The following CELF5 variants were observed in gnomAD, a reference collection of about 807,000 sequenced individuals.
The protein encoded by CELF5 is CUGBP Elav-like family member 5.
Under a neutral mutation model 54.9 loss-of-function variants are expected in CELF5, and 6 were observed. The observed-to-expected ratio is 0.11, with a 90% CI of 0.06 to 0.22. The LOEUF (loss-of-function observed/expected upper bound fraction) is 0.22, where lower values mean the gene tolerates loss of function less well. CELF5 is among the 10% of genes least tolerant of loss of function. The pLI, the probability that CELF5 is intolerant of heterozygous loss-of-function variation, is 1.00. For missense variants in CELF5, 401 were observed against 678.6 expected (o/e 0.59, Z 4.54); for synonymous variants, 271 against 290.9 (o/e 0.93, Z 0.70).
Position 3,282,992 on chromosome 19 carries a change from G to A in CELF5, c.1039+494G>A, listed in dbSNP as rs891683484. On this transcript the variant is annotated intron_variant, in intron 8 of 12. Coordinates refer to ENST00000292672, the MANE Select transcript of CELF5 (RefSeq NM_021938.4). The surrounding 1 kb of genome is among the most constrained non-coding windows in gnomAD (Gnocchi z 5.2). ...ATTACAGGCGCATGCCACCATGCCC[G>A]GCTAATTTTTGTAGTTTTAGTAGAG... is the stretch of plus-strand genomic sequence containing the variant. Among the ~76,000 whole-genome samples, 4 of 152,140 alleles carry A rather than the reference G, an allele frequency of 2.6e-5. No homozygotes were observed. The highest frequency in any genetic ancestry group is 4.8e-5 in the African/African-American group (2 of 41,446).
intron 12 of CELF5, 116 bp downstream of exon 12, chr19:3,293,602 T>G: frequency 1.2e-6 from 1 of 855,364 alleles, no homozygotes; most frequent in Non-Finnish European, 1.8e-6. Context: ...TTCAAGAGGC[T>G]ACAAGAAACC....
At chr19:3,244,138 C>T (rs1296014369) in intron 1 of CELF5, among the ~76,000 whole-genome samples, 2 of 151,922 alleles carry the variant, frequency 1.3e-5, no homozygotes, top group Non-Finnish European at 2.9e-5. Context: ...AAACGACAAG[C>T]AAAGAGGCCA....
intron 1 of CELF5, among the ~76,000 whole-genome samples, chr19:3,233,678 G>A (rs867513325): frequency 2.0e-5 from 3 of 152,188 alleles, no homozygotes; most frequent in Non-Finnish European, 2.9e-5. Context: ...GTGAGGAGGG[G>A]GAGAGAGGGA....
chr19:3,231,846 A>G (rs907389539), intron 1 of CELF5, among the ~76,000 whole-genome samples: 5 of 151,604 alleles, frequency 3.3e-5, no homozygotes, highest in African/African-American at 1.2e-4. Flanking sequence ...GGATGGATGG[A>G]TGCATGAATG....
intron 1 of CELF5, chr19:3,225,545 A>C: frequency 1.1e-6 from 1 of 945,354 alleles, no homozygotes; most frequent in Non-Finnish European, 1.2e-6. Flanking sequence ...TGCTTTGGTT[A>C]TTTTCACAAA....
intron 8 of CELF5, among the ~76,000 whole-genome samples, chr19:3,284,380 A>G (rs1389557678): frequency 6.6e-6 from 1 of 152,032 alleles, no homozygotes; most frequent in Non-Finnish European, 1.5e-5. Context: ...GTTTGGCTGA[A>G]TTTTTCCCCA....
At chr19:3,283,949 C>G (rs895643990) in intron 8 of CELF5, among the ~76,000 whole-genome samples, 2 of 151,786 alleles carry the variant, frequency 1.3e-5, no homozygotes, top group Non-Finnish European at 2.9e-5. Context: ...TCTCACCTCT[C>G]ACCTCAGCCT....
chr19:3,263,121 C>T (rs1043245721), intron 2 of CELF5, among the ~76,000 whole-genome samples: 3 of 151,242 alleles, frequency 2.0e-5, no homozygotes, highest in Admixed American at 1.3e-4. Flanking sequence ...GTGGCAGGCG[C>T]CTATAATCCT....
At chr19:3,290,078 C>A (rs1388565982) in intron 10 of CELF5, among the ~76,000 whole-genome samples, 153 bp from the exon 11 acceptor site, 1 of 152,100 alleles carries the variant, frequency 6.6e-6, no homozygotes, top group East Asian at 1.9e-4. Context: ...CCCTCCCCAG[C>A]CCGTGGCCAG....
chr19:3,292,285 G>C (rs543861979), intron 11 of CELF5, among the ~76,000 whole-genome samples: 18 of 146,876 alleles, frequency 1.2e-4, no homozygotes, highest in African/African-American at 3.7e-4. Flanking sequence ...CCTGTTTAAA[G>C]GGTCAGCCCT....
At chr19:3,243,792 C>T (rs1307625236) in intron 1 of CELF5, among the ~76,000 whole-genome samples, 1 of 152,084 alleles carries the variant, frequency 6.6e-6, no homozygotes, top group East Asian at 1.9e-4. Context: ...CCAGGCCGTT[C>T]CCCTGTAGCG....
intron 11 of CELF5, 143 bp from the exon 12 acceptor site, chr19:3,293,176 T>C (rs2080379342): frequency 2.7e-6 from 3 of 1,097,444 alleles, no homozygotes; most frequent in Non-Finnish European, 4.0e-6. Context: ...CTGTGTGTCC[T>C]CCACCACAAA....
At chr19:3,261,141 C>T (rs1484821972) in intron 2 of CELF5, among the ~76,000 whole-genome samples, 1 of 151,936 alleles carries the variant, frequency 6.6e-6, no homozygotes, top group Non-Finnish European at 1.5e-5. Context: ...ATGTCCAGGT[C>T]GGGTGCAGTG....
chr19:3,229,398 G>T lies in CELF5; in HGVS notation c.259+4400G>T, dbSNP rs185486788. 5.9e-3 allele frequency among the ~76,000 whole-genome samples: 901 copies of T among 152,294 alleles called. 15 individuals are homozygous for T. The highest frequency in any genetic ancestry group is 0.021 in the African/African-American group (870 of 41,568). On this transcript the variant is annotated intron_variant, in intron 1 of 12. Coordinates refer to ENST00000292672, the MANE Select transcript of CELF5 (RefSeq NM_021938.4). ...GGGACGGAGACAGCTGGGGAACTGGGCTTACAAGGCACCGAGCTCAGGAAT... is the reference window on the plus strand; with the variant it reads ...GGGACGGAGACAGCTGGGGAACTGGTCTTACAAGGCACCGAGCTCAGGAAT...
rs1271837464 is a variant in CELF5, at chr19:3,228,947, C to T, written c.259+3949C>T. On this transcript the variant is annotated intron_variant, in intron 1 of 12. Transcript: ENST00000292672. The surrounding 1 kb of genome is among the most constrained non-coding windows in gnomAD (Gnocchi z 6.0). Reference sequence around the variant, plus strand: ...GCGCGCGCCTGGGAAGGACTCCTGCCGGGGTGCTGTGTGGCTTCAAGCTGA... The same window carrying T: ...GCGCGCGCCTGGGAAGGACTCCTGCTGGGGTGCTGTGTGGCTTCAAGCTGA... Among the ~76,000 whole-genome samples, 3 of 150,964 alleles carry T rather than the reference C, an allele frequency of 2.0e-5. No homozygotes were observed. Among genetic ancestry groups the T allele is most frequent in the Admixed American group, 6.6e-5 (1 of 15,152 alleles).
chr19:3,242,850 G>A (rs188792578), intron 1 of CELF5, among the ~76,000 whole-genome samples: 1 of 152,082 alleles, frequency 6.6e-6, no homozygotes, highest in Non-Finnish European at 1.5e-5. Flanking sequence ...TGTAATCCCA[G>A]CTACTCAGGA....
chr19:3,258,621 T>A (rs1031609440), intron 2 of CELF5, among the ~76,000 whole-genome samples: 2 of 152,160 alleles, frequency 1.3e-5, no homozygotes, highest in African/African-American at 4.8e-5. Flanking sequence ...TTTTTATTTT[T>A]ATTTTTTAGA....
At position 3,282,206 on chromosome 19, in the gene CELF5, C is replaced by T; in HGVS notation, c.831C>T (p.Ile277=). 6.2e-7 allele frequency: 1 copy of T among 1,614,072 alleles called. No homozygotes were observed. ...GCGTGGCCTTCTCACCCTGTCACAT[C>T]CAGCAGATAGGCGCCGTCAGCCTCA... ...SPGVAFSPCH[I]QQIGAVSLNG... is the part of the protein sequence containing the mutation. The change falls in exon 7 of 13, where the codon ATC becomes ATT. Residue 277 remains isoleucine (I), a synonymous_variant. Coordinates refer to ENST00000292672, the MANE Select transcript of CELF5 (RefSeq NM_021938.4). The surrounding 1 kb of genome is among the most constrained non-coding windows in gnomAD (Gnocchi z 5.2).
rs528929122 is a variant in CELF5 at position 3,262,752 on chromosome 19, C to T, written c.343-11120C>T. On this transcript the variant is annotated intron_variant, in intron 2 of 12. Transcript: ENST00000292672. ...GATCACCCAAGGTCAGGAGCCTGGC[C>T]AACATGATGAAATCCATCTCTACTA... is the stretch of plus-strand genomic sequence containing the variant. 2.2e-3 allele frequency among the ~76,000 whole-genome samples: 325 copies of T among 150,908 alleles called. 7 individuals are homozygous for T. The highest frequency in any genetic ancestry group is 2.3e-3 in the Non-Finnish European group (155 of 67,662).
Sources: allele counts gnomAD v4.1 joint callset (sites outside exome capture counted in the v4.1 genomes callset), GRCh38; gene constraint gnomAD v4.1.1; non-coding constraint Gnocchi (gnomAD v3.1); transcripts MANE v1.5; gene names NCBI Gene and HGNC (gene_info 2026-07-23, HGNC 2026-07-21).